The following DAW1 variants were observed in gnomAD, a reference collection of about 807,000 sequenced individuals.
The protein encoded by DAW1 is dynein assembly factor with WD repeat domains 1.
In DAW1, 47 loss-of-function variants were observed where a neutral mutation model predicts 56.5. That is an observed-to-expected ratio of 0.83 (90% CI 0.66 to 1.06). DAW1 has a LOEUF of 1.06. Among genes scored for constraint, DAW1 ranks in the 50% least tolerant of loss-of-function variants. The pLI is 0.00. For missense variants in DAW1, 505 were observed against 499.3 expected (o/e 1.01, Z -0.11); for synonymous variants, 190 against 179.0 (o/e 1.06, Z -0.49).
At chr2:227,912,449 T>C in intron 10 of DAW1, 1 of 1,304,698 alleles carries the variant, frequency 7.7e-7, no homozygotes, top group Non-Finnish European at 1.0e-6. Flanking sequence ...TATGCCTGTG[T>C]CATCTGCTGT....
At chr2:227,921,695 T>G in intron 12 of DAW1, 134 bp downstream of exon 12, 1 of 884,614 alleles carries the variant, frequency 1.1e-6, no homozygotes, top group East Asian at 2.6e-5. Flanking sequence ...TGGCCTGCCC[T>G]CATATTTTCA....
intron 1 of DAW1, among the ~76,000 whole-genome samples, chr2:227,876,666 G>T (rs1297640641): frequency 6.6e-6 from 1 of 152,160 alleles, no homozygotes; most frequent in South Asian, 2.1e-4. Flanking sequence ...GCATTGTCTT[G>T]CTGCTATCTA....
At position 227,923,996 on chromosome 2, in the gene DAW1, T is replaced by G; in HGVS notation, c.*28T>G. On this transcript the variant is annotated 3_prime_UTR_variant, in exon 13 of 13. Transcript: ENST00000309931. ...GAAGGAAGCTGGTCAGTGAGCAACC[T>G]TGCTAGCAATGGTAATCAAGAACTG... 1 of 1,613,456 alleles carries G rather than the reference T, an allele frequency of 6.2e-7. No individual in the cohort carries two copies. Among genetic ancestry groups the G allele is most frequent in the Non-Finnish European group, 8.5e-7 (1 of 1,179,548 alleles).
chr2:227,907,373 C>G, intron 10 of DAW1, 121 bp downstream of exon 10: 1 of 746,026 alleles, frequency 1.3e-6, no homozygotes, highest in South Asian at 1.9e-5. Flanking sequence ...AACCATGTCT[C>G]ATCTCTATCG....
chr2:227,889,160 A>G (rs1179632683), intron 2 of DAW1, among the ~76,000 whole-genome samples: 1 of 152,224 alleles, frequency 6.6e-6, no homozygotes, highest in Non-Finnish European at 1.5e-5. Context: ...AACAGGAAAG[A>G]AAGAAAAAGA....
intron 12 of DAW1, among the ~76,000 whole-genome samples, chr2:227,923,718 G>A (rs1329198697): frequency 6.6e-6 from 1 of 151,414 alleles, no homozygotes; most frequent in African/African-American, 2.4e-5. Flanking sequence ...ATGCGTACCT[G>A]CTTAATTTAC....
At chr2:227,873,946 G>A (rs939602148) in intron 1 of DAW1, among the ~76,000 whole-genome samples, 16 of 152,202 alleles carry the variant, frequency 1.1e-4, no homozygotes, top group Admixed American at 6.5e-4. Flanking sequence ...CTCCCAAAGT[G>A]CTGGGATTAC....
At chr2:227,887,227 T>C (rs1172839643) in intron 2 of DAW1, among the ~76,000 whole-genome samples, 1 of 152,216 alleles carries the variant, frequency 6.6e-6, no homozygotes, top group African/African-American at 2.4e-5. Flanking sequence ...GTGGCACAGA[T>C]AGTTTCATTG....
intron 10 of DAW1, among the ~76,000 whole-genome samples, chr2:227,908,891 A>G (rs1691749081): frequency 1.3e-5 from 2 of 152,194 alleles, no homozygotes; most frequent in African/African-American, 4.8e-5. Context: ...TCCTGAAGAT[A>G]CAGATGATGC....
intron 1 of DAW1, among the ~76,000 whole-genome samples, chr2:227,882,743 C>T (rs1457120867): frequency 6.6e-6 from 1 of 152,162 alleles, no homozygotes; most frequent in Non-Finnish European, 1.5e-5. Context: ...GGGAGGTTCC[C>T]CCATGCTGTT....
At chr2:227,909,104 A>G (rs900488736) in intron 10 of DAW1, among the ~76,000 whole-genome samples, 5 of 152,018 alleles carry the variant, frequency 3.3e-5, no homozygotes, top group Admixed American at 6.6e-5. Flanking sequence ...CATATATGAT[A>G]CTATTCCATA....
chr2:227,890,658 A>AATC (rs1378687028), intron 3 of DAW1, among the ~76,000 whole-genome samples: 5 of 152,218 alleles, frequency 3.3e-5, no homozygotes, highest in Admixed American at 1.3e-4. Flanking sequence ...AGAGGATGTT[A>AATC]TAGTCTTGTA....
chr2:227,893,660 A>G (rs879905641), intron 4 of DAW1, 135 bp from the exon 5 acceptor site: 41 of 1,362,682 alleles, frequency 3.0e-5, no homozygotes, highest in Non-Finnish European at 3.7e-5. Flanking sequence ...TGACAGAGCG[A>G]GACTCCCTCT....
At chr2:227,876,371 A>G (rs2106184316) in intron 1 of DAW1, 1 of 1,185,062 alleles carries the variant, frequency 8.4e-7, no homozygotes, top group Admixed American at 2.6e-5. Flanking sequence ...GTTTGCGACT[A>G]TTGCCTTAAT....
At chr2:227,902,078 G>C (rs1691559445) in intron 6 of DAW1, among the ~76,000 whole-genome samples, 1 of 152,186 alleles carries the variant, frequency 6.6e-6, no homozygotes, top group African/African-American at 2.4e-5. Context: ...AGTAGAGGCA[G>C]GAGTGGGGAA....
intron 1 of DAW1, among the ~76,000 whole-genome samples, chr2:227,874,424 G>C (rs1690828790): frequency 6.6e-6 from 1 of 152,030 alleles, no homozygotes. Context: ...CACGCGGATT[G>C]CCCCACTGAA....
intron 12 of DAW1, among the ~76,000 whole-genome samples, chr2:227,923,583 G>A (rs1284593421): frequency 6.6e-6 from 1 of 152,142 alleles, no homozygotes; most frequent in Non-Finnish European, 1.5e-5. Flanking sequence ...GATATTCAAA[G>A]TTGCTGTATT....
chr2:227,885,019 C>A (rs6741345), intron 1 of DAW1, among the ~76,000 whole-genome samples: 61,156 of 151,886 alleles, frequency 0.4, 13,731 homozygotes, highest in Admixed American at 0.55. Context: ...GTGTGGAATG[C>A]GGTGATAAAA....
chr2:227,900,406 G>A (rs1431789404), intron 6 of DAW1, among the ~76,000 whole-genome samples: 1 of 152,046 alleles, frequency 6.6e-6, no homozygotes, highest in Non-Finnish European at 1.5e-5. Context: ...GTGGAGCCCT[G>A]GCCTACATGC....
Sources: gnomAD v4.1 joint callset for allele counts (sites outside exome capture counted in the v4.1 genomes callset) on GRCh38, gnomAD v4.1.1 for gene constraint, MANE v1.5 for transcripts, NCBI Gene and HGNC (gene_info 2026-07-23, HGNC 2026-07-21) for gene names.